Variants in DOK5 observed in about 807,000 individuals in gnomAD.
DOK5 encodes downstream of tyrosine kinase 5.
A neutral mutation model predicts 43.3 loss-of-function variants in DOK5; 27 were observed. The observed-to-expected ratio is 0.62, with a 90% CI of 0.46 to 0.86. DOK5 has a LOEUF of 0.86. DOK5 is among the 40% of genes least tolerant of loss of function. The pLI is 0.00. For synonymous variants in DOK5, 146 were observed against 140.1 expected (o/e 1.04, Z -0.30); for missense variants, 373 against 392.9 (o/e 0.95, Z 0.43).
chr20:54,539,440 A>G (rs1984073612), intron 1 of DOK5, among the ~76,000 whole-genome samples: 1 of 152,046 alleles, frequency 6.6e-6, no homozygotes, highest in Non-Finnish European at 1.5e-5. Context: ...CTGTATCCTG[A>G]CTGTATTATA....
At chr20:54,603,063 G>A (rs987128544) in intron 5 of DOK5, among the ~76,000 whole-genome samples, 8 of 152,262 alleles carry the variant, frequency 5.3e-5, no homozygotes, top group South Asian at 2.1e-4. Flanking sequence ...AAATATATTC[G>A]TTTAAGGAAA....
intron 6 of DOK5, among the ~76,000 whole-genome samples, chr20:54,621,286 TATATA>T (rs11468668): frequency 0.072 from 10,926 of 152,282 alleles, 427 homozygotes; most frequent in Middle Eastern, 0.13. Context: ...AAATCATGGC[TATATA>T]ATATATTTTT....
chr20:54,650,712 C>T lies in DOK5; in HGVS notation c.*233C>T, dbSNP rs1979657837. 2.5e-6 allele frequency: 1 copy of T among 399,458 alleles called. No individual in the cohort carries two copies. Among genetic ancestry groups the T allele is most frequent in the Non-Finnish European group, 4.4e-6 (1 of 225,142 alleles). The allele number at this position is 399,458 out of a possible 1,614,324, so 24.7% of individuals were successfully genotyped here. On this transcript the variant is annotated 3_prime_UTR_variant, in exon 8 of 8. Transcript: ENST00000262593. ...CTCTATAGATATTGACTCTGTGTTC[C>T]CTCTTTTACAGCTGGACAGAAAGAA...
chr20:54,605,013 ATATATAT>A (rs1441078764), intron 5 of DOK5, among the ~76,000 whole-genome samples: 21 of 96,828 alleles, frequency 2.2e-4, no homozygotes, highest in African/African-American at 1.2e-3. Context: ...AAAAAAAAAA[ATATATAT>A]ATATACACAC....
intron 6 of DOK5, among the ~76,000 whole-genome samples, chr20:54,639,976 C>A (rs955683251): frequency 5.3e-5 from 8 of 152,218 alleles, no homozygotes; most frequent in Non-Finnish European, 8.8e-5. Flanking sequence ...CCAGAGCCCA[C>A]CATCTCTGCA....
At chr20:54,622,151 G>A (rs976996368) in intron 6 of DOK5, among the ~76,000 whole-genome samples, 5 of 151,284 alleles carry the variant, frequency 3.3e-5, no homozygotes, top group African/African-American at 1.2e-4. Context: ...CCGAGATCAC[G>A]CCATGAACTC....
In DOK5 at chr20:54,477,827, T is replaced by C. The variant is rs149005015; in HGVS notation, c.66+1815T>C. Among the ~76,000 whole-genome samples the C allele has an allele frequency of 3.8e-3, 579 of 152,358 alleles. 1 individual carries two copies. The highest frequency in any genetic ancestry group is 6.8e-3 in the Middle Eastern group (2 of 294). On this transcript the variant is annotated intron_variant, in intron 1 of 7. Coordinates refer to ENST00000262593, the MANE Select transcript of DOK5 (RefSeq NM_018431.5). ...AGAGTTTATGCCAAATTGTGACACA[T>C]GGTAATTTATTTGAAAAACTGGTTA...
In DOK5 at chr20:54,480,492, A is replaced by T. The variant is rs139547331; in HGVS notation, c.66+4480A>T. Among the ~76,000 whole-genome samples, 653 of 152,288 alleles carry T rather than the reference A, an allele frequency of 4.3e-3. 3 individuals carry two copies. Among genetic ancestry groups the T allele is most frequent in the African/African-American group, 0.015 (636 of 41,568 alleles). The stretch of plus-strand genomic sequence containing the variant: ...TGAAAAGGGGAGGCATGAATAATCC[A>T]TCCCTTGTTTAGCATATCATCAAGA... On this transcript the variant is annotated intron_variant, in intron 1 of 7. Transcript: ENST00000262593.
Position 54,643,620 on chromosome 20 carries a change from T to C in DOK5, c.856+42T>C, listed in dbSNP as rs755061408. On this transcript the variant is annotated intron_variant, in intron 7 of 7. Transcript: ENST00000262593. ...CTGTGTCCAGGGTGTGGGCCAGGCC[T>C]GGGAGTACTGGGGAGGGGGCTCAGC... 7.6e-5 allele frequency: 120 copies of C among 1,587,780 alleles called. 1 individual carries two copies. The highest frequency in any genetic ancestry group is 9.9e-5 in the Non-Finnish European group (115 of 1,167,492).
At chr20:54,533,923 A>G (rs1023620640) in intron 1 of DOK5, among the ~76,000 whole-genome samples, 1 of 152,192 alleles carries the variant, frequency 6.6e-6, no homozygotes, top group Non-Finnish European at 1.5e-5. Context: ...TTCAGCTAGC[A>G]GTATTTATAG....
At chr20:54,580,184 A>G (rs921292709) in intron 2 of DOK5, among the ~76,000 whole-genome samples, 1 of 152,210 alleles carries the variant, frequency 6.6e-6, no homozygotes, top group Non-Finnish European at 1.5e-5. Flanking sequence ...AAAAACAAGC[A>G]ACCCCATCAA....
intron 6 of DOK5, among the ~76,000 whole-genome samples, chr20:54,631,800 C>T (rs566820447): frequency 6.6e-6 from 1 of 152,020 alleles, no homozygotes; most frequent in Non-Finnish European, 1.5e-5. Context: ...GGTGAAACCC[C>T]GCCTGTAGTA....
chr20:54,609,988 C>T (rs1332371387), intron 5 of DOK5, among the ~76,000 whole-genome samples: 5 of 151,752 alleles, frequency 3.3e-5, no homozygotes, highest in African/African-American at 7.3e-5. Context: ...TGTCTCTCTG[C>T]GCTGGCAGTT....
intron 1 of DOK5, among the ~76,000 whole-genome samples, chr20:54,486,238 T>C (rs1416004489): frequency 6.6e-6 from 1 of 152,088 alleles, no homozygotes; most frequent in African/African-American, 2.4e-5. Context: ...TTTGAAAAGG[T>C]TGTCTTTTCT....
intron 5 of DOK5, among the ~76,000 whole-genome samples, chr20:54,605,798 C>T (rs1288907295): frequency 3.3e-5 from 5 of 152,198 alleles, no homozygotes; most frequent in Non-Finnish European, 7.3e-5. Context: ...TATATCAGAA[C>T]AAAATCCCCG....
intron 2 of DOK5, among the ~76,000 whole-genome samples, chr20:54,565,694 T>C (rs1600705518): frequency 6.6e-6 from 1 of 152,304 alleles, no homozygotes; most frequent in East Asian, 1.9e-4. Context: ...GTGCATGTTG[T>C]CACCTGTAGG....
intron 6 of DOK5, among the ~76,000 whole-genome samples, chr20:54,626,282 A>G (rs1045970416): frequency 2.0e-5 from 3 of 152,298 alleles, no homozygotes; most frequent in Non-Finnish European, 4.4e-5. Context: ...GTTTTTAGGT[A>G]GGAAGCATGT....
intron 2 of DOK5, among the ~76,000 whole-genome samples, chr20:54,565,928 G>C (rs1481172584): frequency 6.7e-6 from 1 of 150,206 alleles, no homozygotes; most frequent in Non-Finnish European, 1.5e-5. Context: ...TGAGGCAGGA[G>C]AATCACTTGA....
chr20:54,576,180 C>A (rs1452289867), intron 2 of DOK5, among the ~76,000 whole-genome samples: 1 of 151,970 alleles, frequency 6.6e-6, no homozygotes, highest in African/African-American at 2.4e-5. Context: ...AAAGACGATG[C>A]CTTAGATTGG....
Sources: gnomAD v4.1 joint callset for allele counts (sites outside exome capture counted in the v4.1 genomes callset) on GRCh38, gnomAD v4.1.1 for gene constraint, MANE v1.5 for transcripts, NCBI Gene and HGNC (gene_info 2026-07-23, HGNC 2026-07-21) for gene names.